IGF2BP2: variants seen among roughly 807,000 people sequenced by gnomAD.
IGF2BP2 encodes insulin-like growth factor 2 mRNA-binding protein 2.
IGF2BP2 carries 17 observed loss-of-function variants against 75.8 expected under a neutral mutation model. The ratio of observed to expected loss-of-function variants is 0.22; its 90% CI spans 0.15 to 0.34. The LOEUF (loss-of-function observed/expected upper bound fraction) is 0.34. IGF2BP2 is among the 10% of genes least tolerant of loss of function. IGF2BP2 has a pLI of 1.00. For synonymous variants in IGF2BP2, 288 were observed against 295.6 expected (o/e 0.97, Z 0.26); for missense variants, 516 against 772.4 (o/e 0.67, Z 3.93).
chr3:185,675,570 C>T (rs1432440819), intron 8 of IGF2BP2, 139 bp from the exon 9 acceptor site: 2 of 1,123,406 alleles, frequency 1.8e-6, no homozygotes, highest in Non-Finnish European at 2.5e-6. Context: ...TGGAGAATCC[C>T]TGCCATCTTA....
At chr3:185,720,225 G>A (rs186048895) in intron 2 of IGF2BP2, among the ~76,000 whole-genome samples, 123 of 152,350 alleles carry the variant, frequency 8.1e-4, no homozygotes, top group African/African-American at 2.9e-3. Context: ...TATATCCAGT[G>A]CTATGCTGGT....
At chr3:185,663,646 G>C (rs542395450) in intron 10 of IGF2BP2, among the ~76,000 whole-genome samples, 2 of 152,172 alleles carry the variant, frequency 1.3e-5, no homozygotes, top group South Asian at 4.2e-4. Flanking sequence ...TGAAGGGTGG[G>C]AAAGGTGAGT....
chr3:185,698,494 G>A, intron 2 of IGF2BP2, 147 bp from the exon 3 acceptor site: 1 of 706,532 alleles, frequency 1.4e-6, no homozygotes, highest in Non-Finnish European at 2.4e-6. Flanking sequence ...TGTGAATCAT[G>A]AGCATAGTTT....
chr3:185,797,537 C>CTTTA (rs1053541286), intron 2 of IGF2BP2, among the ~76,000 whole-genome samples: 1 of 152,184 alleles, frequency 6.6e-6, no homozygotes, highest in Non-Finnish European at 1.5e-5. Flanking sequence ...ACTCTTTCAC[C>CTTTA]TTTATTTCAG....
intron 2 of IGF2BP2, among the ~76,000 whole-genome samples, chr3:185,813,840 C>G (rs1315552623): frequency 6.6e-6 from 1 of 152,220 alleles, no homozygotes; most frequent in Non-Finnish European, 1.5e-5. Context: ...GGCCTACACA[C>G]CAGGCACCAC....
At chr3:185,716,186 C>CT (rs1191559452) in intron 2 of IGF2BP2, among the ~76,000 whole-genome samples, 3 of 151,492 alleles carry the variant, frequency 2.0e-5, no homozygotes, top group African/African-American at 7.3e-5. Flanking sequence ...AACACCAGAA[C>CT]TTTTATTTTT....
chr3:185,780,083 G>C (rs562052978), intron 2 of IGF2BP2, among the ~76,000 whole-genome samples: 1 of 152,240 alleles, frequency 6.6e-6, no homozygotes, highest in South Asian at 2.1e-4. Context: ...GACATGTTGC[G>C]TGAAAAAAGC....
chr3:185,688,087 C>T (rs974330399), intron 6 of IGF2BP2, among the ~76,000 whole-genome samples: 21 of 152,122 alleles, frequency 1.4e-4, no homozygotes, highest in Admixed American at 6.6e-5. Flanking sequence ...TAAGATGTGG[C>T]ACTCCAGACT....
At chr3:185,787,385 T>TA (rs548586440) in intron 2 of IGF2BP2, among the ~76,000 whole-genome samples, 9 of 150,646 alleles carry the variant, frequency 6.0e-5, no homozygotes, top group South Asian at 4.2e-4. Flanking sequence ...CAATACCCAC[T>TA]AAAAAAAAAT....
chr3:185,686,142 G>A lies in IGF2BP2; in HGVS notation c.812+915C>T, dbSNP rs1577965805. On this transcript the variant is annotated intron_variant, in intron 7 of 15. Transcript: ENST00000382199. The stretch of plus-strand genomic sequence containing the variant: ...CTCATGCCTGTAATCCCAGCACTTT[G>A]GGAGGACGAGGTGGGCAGATCATTT... 1.3e-5 allele frequency among the ~76,000 whole-genome samples: 2 copies of A among 152,340 alleles called. 1 individual carries two copies. The highest frequency in any genetic ancestry group is 3.9e-4 in the East Asian group (2 of 5,184).
At chr3:185,656,166 A>AG (rs370941143) in intron 12 of IGF2BP2, among the ~76,000 whole-genome samples, 119 of 152,358 alleles carry the variant, frequency 7.8e-4, no homozygotes, top group African/African-American at 2.8e-3. Flanking sequence ...GCAGCCAGCC[A>AG]GGGGGTCTTC....
intron 2 of IGF2BP2, among the ~76,000 whole-genome samples, chr3:185,813,061 C>A (rs1012947890): frequency 1.3e-5 from 2 of 152,150 alleles, no homozygotes; most frequent in African/African-American, 2.4e-5. Context: ...GCAACACTCT[C>A]GTGATGTAGA....
At chr3:185,778,833 A>G (rs1014393144) in intron 2 of IGF2BP2, among the ~76,000 whole-genome samples, 1 of 152,240 alleles carries the variant, frequency 6.6e-6, no homozygotes, top group African/African-American at 2.4e-5. Context: ...TTGCTAGTTA[A>G]TCACAGAAAT....
intron 7 of IGF2BP2, among the ~76,000 whole-genome samples, chr3:185,682,128 T>C (rs9848681): frequency 0.43 from 66,048 of 151,984 alleles, 14,573 homozygotes; most frequent in South Asian, 0.51. Context: ...GGTCAACCCA[T>C]GGGATGGGAG....
intron 2 of IGF2BP2, among the ~76,000 whole-genome samples, chr3:185,727,625 T>C (rs1220202586): frequency 6.6e-6 from 1 of 152,240 alleles, no homozygotes; most frequent in Non-Finnish European, 1.5e-5. Flanking sequence ...CCTCTTCCTA[T>C]ATTTACTTTT....
In IGF2BP2 at chr3:185,733,096, A is replaced by G. The variant is rs574234966; in HGVS notation, c.240-34749T>C. 2.0e-5 allele frequency among the ~76,000 whole-genome samples: 3 copies of G among 152,350 alleles called. No individual in the cohort carries two copies. The South Asian group carries it at 6.2e-4, about 32-fold the overall frequency. On this transcript the variant is annotated intron_variant, in intron 2 of 15. Transcript: ENST00000382199. ...GGAGGATACAATAAAGCTGATAGTCATAAGACATTTCACAGACTAGGCTCT... is the reference window on the plus strand; with the variant it reads ...GGAGGATACAATAAAGCTGATAGTCGTAAGACATTTCACAGACTAGGCTCT...
intron 2 of IGF2BP2, among the ~76,000 whole-genome samples, chr3:185,820,016 C>G (rs1006787865): frequency 1.3e-5 from 2 of 151,928 alleles, no homozygotes; most frequent in Non-Finnish European, 2.9e-5. Context: ...AAATTCATAG[C>G]TTTTTCCTAC....
intron 10 of IGF2BP2, among the ~76,000 whole-genome samples, chr3:185,669,495 A>G (rs1718182029): frequency 6.6e-6 from 1 of 151,390 alleles, no homozygotes; most frequent in Non-Finnish European, 1.5e-5. Context: ...TGGGAAATTC[A>G]AAAGTACATA....
chr3:185,693,556 C>T (rs978320362), intron 4 of IGF2BP2, among the ~76,000 whole-genome samples: 4 of 152,142 alleles, frequency 2.6e-5, no homozygotes, highest in African/African-American at 9.7e-5. Context: ...AGTATAAACT[C>T]TATGATTGGC....
Sources: gnomAD v4.1 joint callset for allele counts (sites outside exome capture counted in the v4.1 genomes callset) on GRCh38, gnomAD v4.1.1 for gene constraint, MANE v1.5 for transcripts, NCBI Gene and HGNC (gene_info 2026-07-23, HGNC 2026-07-21) for gene names.